The following PLBD2 variants were observed in gnomAD, a reference collection of about 807,000 sequenced individuals.
PLBD2 encodes phospholipase B domain containing 2.
PLBD2 carries 51 observed loss-of-function variants against 68.3 expected under a neutral mutation model. That is an observed-to-expected ratio of 0.75 (90% CI 0.60 to 0.94). The LOEUF is 0.94. Among genes scored for constraint, PLBD2 ranks in the 40% least tolerant of loss-of-function variants. The pLI is 0.00. For missense variants in PLBD2, 729 were observed against 792.2 expected (o/e 0.92, Z 0.96); for synonymous variants, 314 against 339.3 (o/e 0.93, Z 0.82).
Position 113,384,449 on chromosome 12 carries a change from C to T in PLBD2, c.1118+184C>T, listed in dbSNP as rs929877011. On this transcript the variant is annotated intron_variant, in intron 7 of 11. Coordinates refer to ENST00000280800, the MANE Select transcript of PLBD2 (RefSeq NM_173542.4). This position sits in a 1 kb window ranked among gnomAD's most constrained non-coding sequence, Gnocchi z 4.2. ...AGGATTTGCCCCTCCCCTGCAGGCT[C>T]CTCAGCCTAGGAAGGGGTGCCTTGG... Among the ~76,000 whole-genome samples, 2 of 152,178 alleles carry T rather than the reference C, an allele frequency of 1.3e-5. No individual in the cohort carries two copies. Among genetic ancestry groups the T allele is most frequent in the Non-Finnish European group, 2.9e-5 (2 of 68,022 alleles).
At chr12:113,364,658 C>T (rs925803802) in intron 1 of PLBD2, among the ~76,000 whole-genome samples, 3 of 152,036 alleles carry the variant, frequency 2.0e-5, no homozygotes, top group African/African-American at 4.8e-5. Context: ...AGGGGAGTCT[C>T]GCTTTATTGT....
At chr12:113,369,477 C>T (rs867060964) in intron 2 of PLBD2, among the ~76,000 whole-genome samples, 9 of 152,304 alleles carry the variant, frequency 5.9e-5, no homozygotes, top group Middle Eastern at 3.4e-3. Flanking sequence ...TGTTCAGGGA[C>T]TCATCACATG....
chr12:113,361,142 C>T (rs1397065064), intron 1 of PLBD2, among the ~76,000 whole-genome samples: 1 of 151,872 alleles, frequency 6.6e-6, no homozygotes, highest in Non-Finnish European at 1.5e-5. Context: ...AATCTCTGAT[C>T]TGTGGGGGAC....
In PLBD2 at chr12:113,384,229, C is replaced by T. The variant is rs147166238; in HGVS notation, c.1082C>T (p.Thr361Ile). 3 of 1,613,556 alleles carry T rather than the reference C, an allele frequency of 1.9e-6. No homozygotes were observed. In the African/African-American group the frequency reaches 4.0e-5, roughly 22 times the overall value. ...AACCGCCTGGCCTCGGATGGGGCCA[C>T]CTGGGCAGACATCTTCAAGAGGTTC... ...VANRLASDGA[T>I]WADIFKRFNS... The change falls in exon 7 of 12, where the codon ACC becomes ATC. Residue 361 changes from threonine to isoleucine, a missense_variant. Transcript: ENST00000280800. The surrounding 1 kb of genome is among the most constrained non-coding windows in gnomAD (Gnocchi z 4.2).
In PLBD2 at chr12:113,387,822, C is replaced by T. The variant is rs372849616; in HGVS notation, c.1518C>T (p.Ser506=). The T allele has an allele frequency of 2.4e-4, 381 of 1,614,190 alleles. 1 individual carries two copies. In the South Asian group the frequency reaches 3.3e-3, roughly 14 times the overall value. Reference sequence around the variant, plus strand: ...AGCCCAATGGGGAGAATGCTATCTCCGCCCGCTCCGACCTCAACCCGGCCA... The same window carrying T: ...AGCCCAATGGGGAGAATGCTATCTCTGCCCGCTCCGACCTCAACCCGGCCA... ...NPQPNGENAI[S]ARSDLNPANG... Residue 506 remains serine, a synonymous_variant, in exon 11 of 12, where the codon TCC becomes TCT. Coordinates refer to ENST00000280800, the MANE Select transcript of PLBD2 (RefSeq NM_173542.4).
intron 9 of PLBD2, among the ~76,000 whole-genome samples, chr12:113,386,376 C>T (rs1304950400): frequency 4.8e-5 from 6 of 124,216 alleles, no homozygotes; most frequent in African/African-American, 1.7e-4. Context: ...TTTTTTGAGA[C>T]GGAGTCTCGC....
At chr12:113,374,604 G>A (rs1957421780) in intron 4 of PLBD2, 30 bp downstream of exon 4, 2 of 1,546,988 alleles carry the variant, frequency 1.3e-6, no homozygotes, top group Non-Finnish European at 8.8e-7. Flanking sequence ...TGAACAGGGT[G>A]GGAAGAAGGG....
intron 9 of PLBD2, among the ~76,000 whole-genome samples, chr12:113,386,281 C>T (rs1210368021): frequency 3.9e-5 from 6 of 152,198 alleles, no homozygotes; most frequent in Non-Finnish European, 5.9e-5. Flanking sequence ...CTCTGCTTCC[C>T]GGGTTCAAGC....
intron 5 of PLBD2, among the ~76,000 whole-genome samples, chr12:113,375,938 C>G (rs1038461440): frequency 1.3e-5 from 2 of 152,154 alleles, no homozygotes; most frequent in Admixed American, 6.6e-5. Flanking sequence ...ACTGCAACCT[C>G]TGCCTCCCGG....
chr12:113,362,084 G>A (rs955557102), intron 1 of PLBD2, among the ~76,000 whole-genome samples: 1 of 152,178 alleles, frequency 6.6e-6, no homozygotes, highest in African/African-American at 2.4e-5. Flanking sequence ...TGTAGCTCAT[G>A]CCTGTAATCC....
At chr12:113,385,059 G>A (rs555561596) in intron 8 of PLBD2, 113 bp downstream of exon 8, 3 of 1,319,390 alleles carry the variant, frequency 2.3e-6, no homozygotes, top group African/African-American at 1.5e-5. Flanking sequence ...GGAGGGTGTG[G>A]CTGGAAGAGA....
intron 5 of PLBD2, among the ~76,000 whole-genome samples, chr12:113,376,158 A>G (rs1397194869): frequency 7.3e-6 from 1 of 136,240 alleles, no homozygotes; most frequent in African/African-American, 2.8e-5. Context: ...CTGGCTTGAC[A>G]CAGCATTTTT....
intron 8 of PLBD2, 113 bp from the exon 9 acceptor site, chr12:113,385,099 G>A: frequency 7.4e-7 from 1 of 1,348,530 alleles, no homozygotes; most frequent in South Asian, 1.3e-5. Flanking sequence ...TGAAGTTCAG[G>A]ACTTAATCCA....
chr12:113,384,194 C>T lies in PLBD2; in HGVS notation c.1047C>T (p.Asn349=). 1 of 1,613,950 alleles carries T rather than the reference C, an allele frequency of 6.2e-7. No individual in the cohort carries two copies. Among genetic ancestry groups the T allele is most frequent in the Non-Finnish European group, 8.5e-7 (1 of 1,179,968 alleles). The change falls in exon 7 of 12, where the codon AAC becomes AAT. Residue 349 remains asparagine, a synonymous_variant. Coordinates refer to ENST00000280800, the MANE Select transcript of PLBD2 (RefSeq NM_173542.4). The surrounding 1 kb of genome is among the most constrained non-coding windows in gnomAD (Gnocchi z 4.2). ...GCTGTGTGCTGGAGTGGGTACGCAACATCGTGGCCAACCGCCTGGCCTCGG... is the reference window on the plus strand; with the variant it reads ...GCTGTGTGCTGGAGTGGGTACGCAATATCGTGGCCAACCGCCTGGCCTCGG... ...PRGCVLEWVR[N]IVANRLASDG... is the part of the protein sequence containing the mutation.
intron 5 of PLBD2, among the ~76,000 whole-genome samples, chr12:113,379,056 T>A (rs1452655801): frequency 6.6e-6 from 1 of 151,950 alleles, no homozygotes; most frequent in Non-Finnish European, 1.5e-5. Context: ...TGCCTATAAT[T>A]CTAGCACTTT....
intron 1 of PLBD2, among the ~76,000 whole-genome samples, chr12:113,360,736 A>C (rs750476929): frequency 6.6e-6 from 1 of 151,970 alleles, no homozygotes; most frequent in Non-Finnish European, 1.5e-5. Context: ...GCTCACTGCA[A>C]CCTCCCCACC....
chr12:113,389,439 A>G lies in PLBD2; in HGVS notation c.*813A>G, dbSNP rs573220690. On this transcript the variant is annotated 3_prime_UTR_variant, in exon 12 of 12. Coordinates refer to ENST00000280800, the MANE Select transcript of PLBD2 (RefSeq NM_173542.4). The stretch of plus-strand genomic sequence containing the variant: ...TTGGGGTGGCAGGGAAGGTGGGGTC[A>G]GCGCTTTTTCTCCTCTCAGGTTTGG... 10 of 152,358 alleles carry G rather than the reference A, an allele frequency of 6.6e-5. 1 individual carries two copies. In the East Asian group the frequency reaches 1.9e-3, roughly 29 times the overall value. The allele number at this position is 152,358 out of a possible 1,614,324, so 9.4% of individuals were successfully genotyped here.
intron 2 of PLBD2, 68 bp downstream of exon 2, chr12:113,369,277 G>A: frequency 1.5e-6 from 2 of 1,374,560 alleles, no homozygotes; most frequent in South Asian, 2.7e-5. Context: ...TCCCCAGTGT[G>A]CTTTTGAGAT....
chr12:113,373,024 A>G (rs1957403322), intron 3 of PLBD2, among the ~76,000 whole-genome samples: 2 of 152,130 alleles, frequency 1.3e-5, no homozygotes, highest in South Asian at 4.1e-4. Context: ...TAGCCTACCT[A>G]CAGTTAAATA....
Sources: allele counts gnomAD v4.1 joint callset (sites outside exome capture counted in the v4.1 genomes callset), GRCh38; gene constraint gnomAD v4.1.1; non-coding constraint Gnocchi (gnomAD v3.1); transcripts MANE v1.5; gene names NCBI Gene and HGNC (gene_info 2026-07-23, HGNC 2026-07-21).